Variants in LDB2 observed in about 807,000 individuals in gnomAD.
The protein encoded by LDB2 is LIM domain binding 2.
In LDB2, 12 loss-of-function variants were observed where a neutral mutation model predicts 44.3. The ratio of observed to expected loss-of-function variants is 0.27; its 90% confidence interval spans 0.17 to 0.44. LDB2 has a LOEUF of 0.44. Among genes scored for constraint, LDB2 ranks in the 20% least tolerant of loss-of-function variants. The probability of loss-of-function intolerance (pLI) is 1.00; values close to 1 mark genes in which losing one functional copy is unlikely to be tolerated. For synonymous variants in LDB2, 164 were observed against 174.8 expected (o/e 0.94, Z 0.49); for missense variants, 344 against 473.5 (o/e 0.73, Z 2.54).
At chr4:16,640,717 G>C (rs578110831) in intron 2 of LDB2, among the ~76,000 whole-genome samples, 6 of 152,176 alleles carry the variant, frequency 3.9e-5, no homozygotes, top group Admixed American at 2.0e-4. Flanking sequence ...ACTTGGCCCA[G>C]GTTTCACAGC....
chr4:16,571,937 G>A (rs1163790686), intron 5 of LDB2, among the ~76,000 whole-genome samples: 1 of 152,114 alleles, frequency 6.6e-6, no homozygotes, highest in Non-Finnish European at 1.5e-5. Flanking sequence ...CACCTATAGT[G>A]TGCCTTAAAC....
chr4:16,673,122 G>A (rs10084810), intron 2 of LDB2, among the ~76,000 whole-genome samples: 1 of 152,078 alleles, frequency 6.6e-6, no homozygotes, highest in African/African-American at 2.4e-5. Flanking sequence ...TTCTGAAAGA[G>A]AGTAGTAATT....
At chr4:16,796,090 G>A (rs1051890941) in intron 1 of LDB2, among the ~76,000 whole-genome samples, 1 of 152,058 alleles carries the variant, frequency 6.6e-6, no homozygotes, top group African/African-American at 2.4e-5. Flanking sequence ...CCAGGAGTGT[G>A]AGACCAGTCT....
intron 5 of LDB2, among the ~76,000 whole-genome samples, chr4:16,514,776 A>C (rs373572311): frequency 6.6e-6 from 1 of 152,218 alleles, no homozygotes; most frequent in Non-Finnish European, 1.5e-5. Flanking sequence ...TGGATCTTCA[A>C]TCTTGCTTAC....
At chr4:16,520,255 C>G (rs1464429075) in intron 5 of LDB2, among the ~76,000 whole-genome samples, 1 of 150,048 alleles carries the variant, frequency 6.7e-6, no homozygotes, top group Non-Finnish European at 1.5e-5. Flanking sequence ...AGGAGTCTCT[C>G]TAATTAAGAA....
chr4:16,710,737 T>C (rs991599457), intron 2 of LDB2, among the ~76,000 whole-genome samples: 1 of 152,206 alleles, frequency 6.6e-6, no homozygotes, highest in African/African-American at 2.4e-5. Context: ...CCCTAAACAA[T>C]ATTTAGACTG....
intron 1 of LDB2, among the ~76,000 whole-genome samples, chr4:16,892,316 C>T (rs1235391912): frequency 6.6e-6 from 1 of 151,792 alleles, no homozygotes; most frequent in Non-Finnish European, 1.5e-5. Flanking sequence ...CTGTCATTGC[C>T]TGAAGTATGG....
chr4:16,774,719 G>A (rs1258030699), intron 1 of LDB2, among the ~76,000 whole-genome samples: 1 of 152,052 alleles, frequency 6.6e-6, no homozygotes, highest in African/African-American at 2.4e-5. Flanking sequence ...ATATAATCTG[G>A]CCTCAGAACT....
chr4:16,655,896 CTTTTTTTTTT>C (rs747097456), intron 2 of LDB2, among the ~76,000 whole-genome samples: 3 of 93,314 alleles, frequency 3.2e-5, no homozygotes, highest in African/African-American at 1.3e-4. Flanking sequence ...TGCAAGAAAA[CTTTTTTTTTT>C]TTTTTTTTTT....
chr4:16,725,159 T>A (rs970548378), intron 2 of LDB2, among the ~76,000 whole-genome samples: 1 of 152,098 alleles, frequency 6.6e-6, no homozygotes, highest in African/African-American at 2.4e-5. Context: ...TTCACTGACA[T>A]GAAACTGAGT....
Position 16,512,035 on chromosome 4 carries a change from C to G in LDB2, c.685G>C (p.Asp229His). ...TGAAACAAGCAGGTCTTCAGGCAGT[C>G]TCGGGGACTGAGGTTGTAAGTTTTA... is the stretch of plus-strand genomic sequence containing the variant. ...RHKTYNLSPR[D>H]CLKTCLFQKW... The change falls in exon 6 of 8, where the codon GAC (aspartate) becomes CAC (histidine). Residue 229 changes from aspartate to histidine, a missense_variant. This residue lies in a region of LDB2 where 86 missense variants were observed against 171.2 expected (regional missense o/e 0.50). Transcript: ENST00000304523. The G allele has an allele frequency of 6.2e-7, 1 of 1,613,806 alleles. No individual in the cohort carries two copies. The highest frequency in any genetic ancestry group is 8.5e-7 in the Non-Finnish European group (1 of 1,179,824).
chr4:16,745,000 C>T (rs1764103717), intron 2 of LDB2, among the ~76,000 whole-genome samples: 1 of 152,140 alleles, frequency 6.6e-6, no homozygotes, highest in Admixed American at 6.5e-5. Flanking sequence ...GTCAGATAGA[C>T]ACTATTTTCA....
At chr4:16,634,375 A>G (rs1314516849) in intron 2 of LDB2, among the ~76,000 whole-genome samples, 1 of 152,112 alleles carries the variant, frequency 6.6e-6, no homozygotes, top group African/African-American at 2.4e-5. Context: ...CATTGGAGAA[A>G]ATTTTTGCAA....
intron 2 of LDB2, among the ~76,000 whole-genome samples, chr4:16,614,573 G>GAAAAAAA (rs1282791131): frequency 7.5e-5 from 2 of 26,778 alleles, no homozygotes; most frequent in African/African-American, 1.2e-4. Context: ...ACATTTACAA[G>GAAAAAAA]AAAAAACAAA....
chr4:16,530,814 C>G (rs1001540037), intron 5 of LDB2, among the ~76,000 whole-genome samples: 2 of 152,120 alleles, frequency 1.3e-5, no homozygotes, highest in Non-Finnish European at 2.9e-5. Context: ...AGGGGGCTGG[C>G]ACACAACTAG....
intron 2 of LDB2, among the ~76,000 whole-genome samples, chr4:16,707,211 T>C (rs1754796788): frequency 2.0e-5 from 3 of 152,098 alleles, no homozygotes; most frequent in African/African-American, 7.2e-5. Context: ...ATGTTTTGGG[T>C]CATTTTATGC....
At chr4:16,777,973 C>T (rs1205743249) in intron 1 of LDB2, among the ~76,000 whole-genome samples, 1 of 152,166 alleles carries the variant, frequency 6.6e-6, no homozygotes, top group East Asian at 1.9e-4. Flanking sequence ...CCTGCCCTGC[C>T]TTCCTCCCCC....
At chr4:16,809,761 A>G (rs927965891) in intron 1 of LDB2, among the ~76,000 whole-genome samples, 1 of 151,970 alleles carries the variant, frequency 6.6e-6, no homozygotes, top group African/African-American at 2.4e-5. Context: ...ACGGAACTAC[A>G]TGGGACTCGC....
At chr4:16,665,514 C>T (rs1742855556) in intron 2 of LDB2, among the ~76,000 whole-genome samples, 1 of 152,082 alleles carries the variant, frequency 6.6e-6, no homozygotes, top group African/African-American at 2.4e-5. Context: ...ATCTGCCCAC[C>T]TCGGCCTCCC....
Sources: allele counts gnomAD v4.1 joint callset (sites outside exome capture counted in the v4.1 genomes callset), GRCh38; gene constraint gnomAD v4.1.1; regional missense constraint gnomAD v4.1.1; transcripts MANE v1.5; gene names NCBI Gene and HGNC (gene_info 2026-07-23, HGNC 2026-07-21).